INPP5A: variants seen among roughly 807,000 people sequenced by gnomAD.
INPP5A encodes the protein 43 kDa inositol polyphosphate 5-phophatase.
Under a neutral mutation model 65.2 loss-of-function variants are expected in INPP5A, and 14 were observed. The ratio of observed to expected loss-of-function variants is 0.21; its 90% CI spans 0.14 to 0.34. The LOEUF is 0.34. Among genes scored for constraint, INPP5A ranks in the 10% least tolerant of loss-of-function variants. The probability of loss-of-function intolerance (pLI) is 1.00; values close to 1 mark genes in which losing one functional copy is unlikely to be tolerated. For missense variants in INPP5A, 431 were observed against 545.6 expected, an observed-to-expected ratio of 0.79 and a Z score of 2.09; for synonymous variants, 207 against 208.3, an observed-to-expected ratio of 0.99 and a Z score of 0.05.
chr10:132,726,998 A>G, intron 9 of INPP5A, 93 bp downstream of exon 9: 1 of 784,518 alleles, frequency 1.3e-6, no homozygotes, highest in East Asian at 2.7e-5. Context: ...TGGCACTTTC[A>G]ATGCCATCCG....
chr10:132,619,109 C>T (rs151221561), intron 2 of INPP5A, among the ~76,000 whole-genome samples: 7 of 152,332 alleles, frequency 4.6e-5, no homozygotes, highest in Non-Finnish European at 8.8e-5. Flanking sequence ...TCAGAAGTCC[C>T]ATGTCTGATG....
chr10:132,696,352 A>G (rs181162327), intron 5 of INPP5A, among the ~76,000 whole-genome samples: 166 of 152,346 alleles, frequency 1.1e-3, no homozygotes, highest in African/African-American at 3.8e-3. Context: ...CAAAATACCC[A>G]GAATAGCCCA....
intron 1 of INPP5A, among the ~76,000 whole-genome samples, chr10:132,571,344 CCT>C (rs1234624163): frequency 6.6e-6 from 1 of 152,244 alleles, no homozygotes; most frequent in Non-Finnish European, 1.5e-5. Context: ...ACCTGCCTAC[CCT>C]CTCTGCTGGC....
intron 1 of INPP5A, among the ~76,000 whole-genome samples, chr10:132,553,007 A>G (rs1220608567): frequency 1.5e-5 from 2 of 132,794 alleles, no homozygotes; most frequent in African/African-American, 5.9e-5. Flanking sequence ...TTGGTGTGGA[A>G]TATTGGGTAG....
chr10:132,561,225 G>A (rs992413345), intron 1 of INPP5A, among the ~76,000 whole-genome samples: 2 of 58,408 alleles, frequency 3.4e-5, no homozygotes, highest in Non-Finnish European at 6.1e-5. Context: ...ACCACACCTG[G>A]CTAGTTTTTT....
intron 2 of INPP5A, among the ~76,000 whole-genome samples, chr10:132,621,475 A>G (rs371151139): frequency 9.2e-5 from 14 of 152,122 alleles, no homozygotes; most frequent in African/African-American, 3.4e-4. Flanking sequence ...GTTCATGTAC[A>G]TTGGTTTGTT....
At chr10:132,594,955 C>A (rs565409051) in intron 1 of INPP5A, among the ~76,000 whole-genome samples, 1 of 152,228 alleles carries the variant, frequency 6.6e-6, no homozygotes, top group South Asian at 2.1e-4. Context: ...CTTCCTAAAG[C>A]CTTTAAAATT....
At chr10:132,554,652 A>G (rs1245219645) in intron 1 of INPP5A, among the ~76,000 whole-genome samples, 6 of 133,872 alleles carry the variant, frequency 4.5e-5, no homozygotes, top group Non-Finnish European at 8.0e-5. Context: ...TGGTTGGTCC[A>G]TGTGGGTAGT....
intron 1 of INPP5A, among the ~76,000 whole-genome samples, chr10:132,574,762 C>T (rs2046885056): frequency 6.6e-6 from 1 of 150,482 alleles, no homozygotes; most frequent in Non-Finnish European, 1.5e-5. Flanking sequence ...GGGATCTTGG[C>T]TCACTGCAAC....
intron 8 of INPP5A, among the ~76,000 whole-genome samples, chr10:132,718,363 G>T (rs1279312627): frequency 6.6e-6 from 1 of 150,826 alleles, no homozygotes; most frequent in Non-Finnish European, 1.5e-5. Flanking sequence ...TGTCTTCAGG[G>T]TTCTGTGGTG....
In INPP5A at chr10:132,727,416, G is replaced by A. The variant is rs1846005370; in HGVS notation, c.732+511G>A. ...GAACTCAGGGGTCCCGGGTGCTCCT[G>A]GGTGTGGGAACTCAGGGGTCCAGGG... On this transcript the variant is annotated intron_variant, in intron 9 of 15. Coordinates refer to ENST00000368594, the MANE Select transcript of INPP5A (RefSeq NM_005539.5). The surrounding 1 kb of genome is among the most constrained non-coding windows in gnomAD (Gnocchi z 6.5). 1 of 152,352 alleles carries A rather than the reference G, an allele frequency of 6.6e-6. No homozygotes were observed. The highest frequency in any genetic ancestry group is 1.5e-5 in the Non-Finnish European group (1 of 68,194). 9.4% of individuals were successfully genotyped at this position (152,352 alleles called of 1,614,324 possible). A position where few individuals can be genotyped will look rare whatever the true frequency, so the allele number is the denominator to read the frequency against.
intron 1 of INPP5A, among the ~76,000 whole-genome samples, chr10:132,569,188 A>G (rs1423264147): frequency 6.6e-6 from 1 of 152,164 alleles, no homozygotes; most frequent in East Asian, 1.9e-4. Context: ...CTCACCATAC[A>G]GCAGAGAGTG....
chr10:132,747,347 A>G (rs573876582), intron 9 of INPP5A, among the ~76,000 whole-genome samples: 59 of 152,270 alleles, frequency 3.9e-4, no homozygotes, highest in African/African-American at 1.3e-3. Flanking sequence ...GGGGGGCTTG[A>G]CCCCATCAGC....
intron 2 of INPP5A, among the ~76,000 whole-genome samples, chr10:132,625,295 C>T (rs1171401013): frequency 6.6e-6 from 1 of 151,986 alleles, no homozygotes; most frequent in African/African-American, 2.4e-5. Flanking sequence ...TCCCACCCCA[C>T]ACCCCTTTCT....
chr10:132,732,021 A>G (rs1325788847), intron 9 of INPP5A, among the ~76,000 whole-genome samples: 1 of 152,202 alleles, frequency 6.6e-6, no homozygotes, highest in Non-Finnish European at 1.5e-5. Context: ...CCGGCACCCC[A>G]GGCAGTGGCA....
At position 132,545,856 on chromosome 10, in the gene INPP5A, G is replaced by A. The variant is rs1590818289; in HGVS notation, c.75+7685G>A. ...GAGCTCTGAGCGCTGGCTCCAGGCCGGCTTTCAGGAAGGCCGACTGCCTCA... is the reference window on the plus strand; with the variant it reads ...GAGCTCTGAGCGCTGGCTCCAGGCCAGCTTTCAGGAAGGCCGACTGCCTCA... On this transcript the variant is annotated intron_variant, in intron 1 of 15. Transcript: ENST00000368594. This position sits in a 1 kb window ranked among gnomAD's most constrained non-coding sequence, Gnocchi z 4.6. Among the ~76,000 whole-genome samples, 1 of 152,214 alleles carries A rather than the reference G, an allele frequency of 6.6e-6. No individual in the cohort carries two copies. The highest frequency in any genetic ancestry group is 2.1e-4 in the South Asian group (1 of 4,836).
Position 132,659,644 on chromosome 10 carries a change from C to G in INPP5A, c.306+9139C>G, listed in dbSNP as rs1024165357. On this transcript the variant is annotated intron_variant, in intron 4 of 15. Transcript: ENST00000368594. The surrounding 1 kb of genome is among the most constrained non-coding windows in gnomAD (Gnocchi z 5.5). ...CCGTGGCTGATGCACACCCACCGTC[C>G]CCTGCAGAGGAGACCTCTGCACGCA... 1.3e-5 allele frequency among the ~76,000 whole-genome samples: 2 copies of G among 152,240 alleles called. No individual in the cohort carries two copies. Among genetic ancestry groups the G allele is most frequent in the Non-Finnish European group, 2.9e-5 (2 of 68,042 alleles).
At chr10:132,542,329 C>G (rs2070917362) in intron 1 of INPP5A, among the ~76,000 whole-genome samples, 1 of 152,230 alleles carries the variant, frequency 6.6e-6, no homozygotes, top group African/African-American at 2.4e-5. Flanking sequence ...GACCTGAGCA[C>G]CTTGCAGTCA....
chr10:132,738,298 C>T (rs1199400052), intron 9 of INPP5A, among the ~76,000 whole-genome samples: 1 of 152,240 alleles, frequency 6.6e-6, no homozygotes, highest in Non-Finnish European at 1.5e-5. Context: ...CATTCGTCCT[C>T]CTCCTTCACA....
Sources: gnomAD v4.1 joint callset for allele counts (sites outside exome capture counted in the v4.1 genomes callset) on GRCh38, gnomAD v4.1.1 for gene constraint, Gnocchi (gnomAD v3.1) non-coding constraint, MANE v1.5 for transcripts, NCBI Gene and HGNC (gene_info 2026-07-23, HGNC 2026-07-21) for gene names.